XKR4: variants seen among roughly 807,000 people sequenced by gnomAD.
XKR4 encodes XK related 4, also known as XK-related protein 4.
In XKR4, 12 loss-of-function variants were observed where a neutral mutation model predicts 53.9. The ratio of observed to expected loss-of-function variants is 0.22; its 90% CI spans 0.14 to 0.36. The LOEUF is 0.36. Among genes scored for constraint, XKR4 ranks in the 10% least tolerant of loss-of-function variants. The pLI is 1.00. For synonymous variants in XKR4, 354 were observed against 362.4 expected (o/e 0.98, Z 0.26); for missense variants, 799 against 859.5 (o/e 0.93, Z 0.88).
intron 2 of XKR4, among the ~76,000 whole-genome samples, chr8:55,446,034 G>A (rs1224736992): frequency 6.6e-6 from 1 of 152,170 alleles, no homozygotes; most frequent in Non-Finnish European, 1.5e-5. Context: ...GATGGAGTGA[G>A]CCAATGAGAG....
Position 55,508,097 on chromosome 8 carries a change from A to C in XKR4, c.1007-15184A>C, listed in dbSNP as rs557947286. On this transcript the variant is annotated intron_variant, in intron 2 of 2. Transcript: ENST00000327381. ...GAGAAATTACTGTTCTTTTATTGCT[A>C]GCTAGCATACAAATTCCTAATTGAA... 5.9e-5 allele frequency among the ~76,000 whole-genome samples: 9 copies of C among 152,168 alleles called. No homozygotes were observed. In the South Asian group the frequency reaches 1.2e-3, roughly 21 times the overall value.
At chr8:55,288,436 C>T (rs1367091043) in intron 1 of XKR4, among the ~76,000 whole-genome samples, 1 of 152,166 alleles carries the variant, frequency 6.6e-6, no homozygotes, top group Admixed American at 6.5e-5. Flanking sequence ...TAAACAGTAG[C>T]TTCTACAATG....
chr8:55,388,111 C>T (rs1194744912), intron 2 of XKR4, among the ~76,000 whole-genome samples: 1 of 152,186 alleles, frequency 6.6e-6, no homozygotes, highest in Non-Finnish European at 1.5e-5. Flanking sequence ...GCTCCTAACT[C>T]TGCCATTTAG....
chr8:55,344,516 TCA>T (rs756130909), intron 1 of XKR4, among the ~76,000 whole-genome samples: 63 of 152,086 alleles, frequency 4.1e-4, no homozygotes, highest in South Asian at 1.7e-3. Flanking sequence ...AAGACTTGGA[TCA>T]CAGTCACCAT....
intron 2 of XKR4, among the ~76,000 whole-genome samples, chr8:55,376,162 C>T (rs544593006): frequency 1.2e-4 from 18 of 152,228 alleles, no homozygotes; most frequent in African/African-American, 4.3e-4. Flanking sequence ...CATGTCTTTG[C>T]TATTGTGAAT....
intron 1 of XKR4, among the ~76,000 whole-genome samples, chr8:55,152,072 G>A (rs1320824334): frequency 1.3e-5 from 2 of 152,082 alleles, no homozygotes; most frequent in Non-Finnish European, 2.9e-5. Flanking sequence ...TTTTCTAAGA[G>A]CAGCAAGATC....
chr8:55,102,912 C>A lies in XKR4; in HGVS notation c.424C>A (p.Arg142Ser), dbSNP rs1289309071. ...CGTGGACTACTACCTGCGCGGCCAG[C>A]GCTGGTGGTTCGGGCTCACGCTCTT... ...LAVDYYLRGQ[R>S]WWFGLTLFFV... is the part of the protein sequence containing the mutation. The change falls in exon 1 of 3, where the codon CGC becomes AGC. Residue 142 changes from arginine (R) to serine (S), a missense_variant. Transcript: ENST00000327381. The surrounding 1 kb of genome is among the most constrained non-coding windows in gnomAD (Gnocchi z 5.1). 1 of 1,611,824 alleles carries A rather than the reference C, an allele frequency of 6.2e-7. No homozygotes were observed. The highest frequency in any genetic ancestry group is 1.3e-5 in the African/African-American group (1 of 74,946).
intron 1 of XKR4, among the ~76,000 whole-genome samples, chr8:55,160,816 C>T (rs1027699009): frequency 6.6e-6 from 1 of 151,994 alleles, no homozygotes; most frequent in Non-Finnish European, 1.5e-5. Context: ...TATTTCTAGC[C>T]CTTATCACAG....
intron 2 of XKR4, among the ~76,000 whole-genome samples, chr8:55,442,095 A>G (rs1028629149): frequency 6.6e-6 from 1 of 152,148 alleles, no homozygotes; most frequent in Admixed American, 6.5e-5. Context: ...TCAATACCTA[A>G]CAATGATGAT....
chr8:55,437,388 A>G (rs943598065), intron 2 of XKR4, among the ~76,000 whole-genome samples: 5 of 152,112 alleles, frequency 3.3e-5, no homozygotes, highest in Non-Finnish European at 5.9e-5. Flanking sequence ...AGAAGTTTAC[A>G]TGTGATTTTT....
At chr8:55,316,284 C>T (rs1819474473) in intron 1 of XKR4, among the ~76,000 whole-genome samples, 1 of 152,132 alleles carries the variant, frequency 6.6e-6, no homozygotes, top group Non-Finnish European at 1.5e-5. Flanking sequence ...CCAGTAGCAC[C>T]GATTCTCAGG....
At chr8:55,323,349 A>G (rs998368630) in intron 1 of XKR4, among the ~76,000 whole-genome samples, 2 of 152,208 alleles carry the variant, frequency 1.3e-5, no homozygotes, top group East Asian at 1.9e-4. Context: ...TTTGCGGTCA[A>G]TCCTAACCCC....
chr8:55,268,339 T>C (rs1241450111), intron 1 of XKR4, among the ~76,000 whole-genome samples: 1 of 152,222 alleles, frequency 6.6e-6, no homozygotes, highest in Non-Finnish European at 1.5e-5. Context: ...ACAGAATTTA[T>C]TTCTATCTTA....
At chr8:55,309,413 T>G (rs1397527749) in intron 1 of XKR4, among the ~76,000 whole-genome samples, 1 of 152,176 alleles carries the variant, frequency 6.6e-6, no homozygotes, top group African/African-American at 2.4e-5. Flanking sequence ...AGAATGGGAA[T>G]GGAAGAGAAA....
At chr8:55,300,829 T>C (rs956988450) in intron 1 of XKR4, among the ~76,000 whole-genome samples, 1 of 152,060 alleles carries the variant, frequency 6.6e-6, no homozygotes. Context: ...AGAACTGGGT[T>C]TTCAGAAGGC....
chr8:55,167,157 G>A (rs1031537063), intron 1 of XKR4, among the ~76,000 whole-genome samples: 1 of 152,200 alleles, frequency 6.6e-6, no homozygotes, highest in Non-Finnish European at 1.5e-5. Flanking sequence ...GCCATGGCTT[G>A]AGCAAATGGC....
rs184385619 is a variant in XKR4, at chr8:55,231,073, C to G, written c.807-126605C>G. ...TTTAAAATGAAGAGTTCGAAACTGA[C>G]GTTAATGAGGTTTCTTCCGTTGCTA... On this transcript the variant is annotated intron_variant, in intron 1 of 2. Coordinates refer to ENST00000327381, the MANE Select transcript of XKR4 (RefSeq NM_052898.2). 2.6e-5 allele frequency among the ~76,000 whole-genome samples: 4 copies of G among 152,256 alleles called. No homozygotes were observed. In the East Asian group the frequency reaches 7.7e-4, roughly 29 times the overall value.
chr8:55,307,273 A>G (rs999055549), intron 1 of XKR4, among the ~76,000 whole-genome samples: 1 of 152,218 alleles, frequency 6.6e-6, no homozygotes, highest in Non-Finnish European at 1.5e-5. Context: ...GAAGTTACAA[A>G]GAACTCCCAA....
At chr8:55,466,731 G>GAACC (rs974156053) in intron 2 of XKR4, among the ~76,000 whole-genome samples, 2 of 152,070 alleles carry the variant, frequency 1.3e-5, no homozygotes, top group Non-Finnish European at 2.9e-5. Flanking sequence ...TGTAATATAT[G>GAACC]ATGTATCAGA....
Sources: gnomAD v4.1 joint callset for allele counts (sites outside exome capture counted in the v4.1 genomes callset) on GRCh38, gnomAD v4.1.1 for gene constraint, Gnocchi (gnomAD v3.1) non-coding constraint, MANE v1.5 for transcripts, NCBI Gene and HGNC (gene_info 2026-07-23, HGNC 2026-07-21) for gene names.